PTP4A1: variants seen among roughly 807,000 people sequenced by gnomAD.
PTP4A1 encodes the protein protein tyrosine phosphatase 4A1.
Under a neutral mutation model 20.5 loss-of-function variants are expected in PTP4A1, and 9 were observed. That is an observed-to-expected ratio of 0.44 (90% CI 0.26 to 0.77). PTP4A1 has a LOEUF of 0.77. Among genes scored for constraint, PTP4A1 ranks in the 30% least tolerant of loss-of-function variants. The pLI, the probability that PTP4A1 is intolerant of heterozygous loss-of-function variation, is 0.19. For missense variants in PTP4A1, 137 were observed against 218.8 expected, an observed-to-expected ratio of 0.63 and a Z score of 2.36; for synonymous variants, 78 against 67.4, an observed-to-expected ratio of 1.16 and a Z score of -0.77.
chr6:63,576,711 T>G lies in PTP4A1; in HGVS notation c.-170T>G, dbSNP rs753886704. ...ATTACTGGATTGAAGAATTGCTGCT[T>G]CTTGTTAGGAGGTTCATTTCACTTA... On this transcript the variant is annotated 5_prime_UTR_variant, in exon 2 of 6. Transcript: ENST00000626021. 80 of 619,494 alleles carry G rather than the reference T, an allele frequency of 1.3e-4. No homozygotes were observed. Among genetic ancestry groups the G allele is most frequent in the South Asian group, 3.1e-4 (15 of 48,168 alleles). 38.4% of individuals were successfully genotyped at this position (619,494 alleles called of 1,614,324 possible).
intron 3 of PTP4A1, among the ~76,000 whole-genome samples, chr6:63,558,089 C>A (rs893193216): frequency 5.9e-5 from 9 of 152,002 alleles, no homozygotes; most frequent in Non-Finnish European, 1.0e-4. Flanking sequence ...CCAGGCTGGT[C>A]TCGAACTCCT....
chr6:63,560,634 C>T (rs1253673504), intron 3 of PTP4A1, among the ~76,000 whole-genome samples: 2 of 152,002 alleles, frequency 1.3e-5, no homozygotes, highest in African/African-American at 2.4e-5. Context: ...GAACTCCTGA[C>T]CTCAGGTGAT....
Position 63,575,928 on chromosome 6 carries a change from TAAGTA to T in PTP4A1, c.-445-505_-445-501del, listed in dbSNP as rs769819023. Among the ~76,000 whole-genome samples, 4 of 152,202 alleles carry T rather than the reference TAAGTA, an allele frequency of 2.6e-5. No homozygotes were observed. In the South Asian group the frequency reaches 8.3e-4, roughly 31 times the overall value. ...AACTTAGATGTTTCAGTTTATGAGT[TAAGTA>T]AATTATGCAAGACTAATAACTTCAG... On this transcript the variant is annotated intron_variant, in intron 1 of 5. Transcript: ENST00000626021.
At chr6:63,532,772 G>C (rs1345506174) in intron 2 of PTP4A1, among the ~76,000 whole-genome samples, 1 of 152,042 alleles carries the variant, frequency 6.6e-6, no homozygotes, top group African/African-American at 2.4e-5. Context: ...TGTTCAATCA[G>C]TATCTAGGCC....
intron 2 of PTP4A1, among the ~76,000 whole-genome samples, chr6:63,529,515 A>G (rs979742387): frequency 1.3e-5 from 2 of 151,866 alleles, no homozygotes; most frequent in Admixed American, 1.3e-4. Flanking sequence ...TTTTCTAACA[A>G]CCTAGCCTTC....
At chr6:63,533,695 C>G (rs1361167326) in intron 2 of PTP4A1, among the ~76,000 whole-genome samples, 1 of 151,974 alleles carries the variant, frequency 6.6e-6, no homozygotes, top group East Asian at 1.9e-4. Flanking sequence ...GATTAGAATT[C>G]TAAATGACTT....
chr6:63,554,294 A>T (rs577227327), intron 3 of PTP4A1, among the ~76,000 whole-genome samples: 1 of 152,336 alleles, frequency 6.6e-6, no homozygotes, highest in Admixed American at 6.5e-5. Flanking sequence ...GTATATGAAA[A>T]GCATTCTATT....
rs1476178341 is a variant in PTP4A1, at chr6:63,576,954, C to G, written c.74C>G (p.Pro25Arg). Residue 25 changes from proline to arginine, a missense_variant, in exon 2 of 6, where the codon CCA becomes CGA. Physicochemically the swap from Pro to Arg is moderately radical, Grantham distance 103. Coordinates refer to ENST00000626021, the MANE Select transcript of PTP4A1 (RefSeq NM_003463.5). The part of the protein sequence containing the change: ...KNMRFLITHN[P>R]TNATLNKFIE... ...ATGAGATTTCTTATTACACACAATC[C>G]AACCAATGCGACCTTAAACAAATTT... 6.2e-7 allele frequency: 1 copy of G among 1,613,762 alleles called. No homozygotes were observed. Among genetic ancestry groups the G allele is most frequent in the Non-Finnish European group, 8.5e-7 (1 of 1,179,896 alleles).
chr6:63,526,522 T>C (rs1037380466), intron 1 of PTP4A1, among the ~76,000 whole-genome samples: 12 of 151,650 alleles, frequency 7.9e-5, no homozygotes, highest in Admixed American at 6.6e-4. Flanking sequence ...TTTAAAAAGA[T>C]TTTTAGGCCA....
chr6:63,570,326 A>G (rs1249714646), upstream of PTP4A1, among the ~76,000 whole-genome samples: 1 of 152,206 alleles, frequency 6.6e-6, no homozygotes, highest in African/African-American at 2.4e-5. Context: ...GCAAGACTCC[A>G]TCTCAAATAA....
chr6:63,551,212 C>A (rs1744154), intron 3 of PTP4A1, among the ~76,000 whole-genome samples: 1 of 151,916 alleles, frequency 6.6e-6, no homozygotes. Flanking sequence ...ACTACAGGGG[C>A]GCGCCACCAC....
Position 63,526,462 on chromosome 6 carries a change from A to G in PTP4A1, c.-905-1357A>G, listed in dbSNP as rs565678211. ...AGAATCAGAGCCAATCCAGTTCAACAGAGAGGAAGACCACGTATGATAAAT... is the reference window on the plus strand; with the variant it reads ...AGAATCAGAGCCAATCCAGTTCAACGGAGAGGAAGACCACGTATGATAAAT... On this transcript the variant is annotated intron_variant, in intron 1 of 3. Coordinates refer to the PTP4A1 transcript ENST00000639568. Among the ~76,000 whole-genome samples, 7 of 152,060 alleles carry G rather than the reference A, an allele frequency of 4.6e-5. No individual in the cohort carries two copies. The East Asian group carries it at 1.4e-3, about 30-fold the overall frequency.
chr6:63,547,947 C>T (rs570432101), intron 2 of PTP4A1, among the ~76,000 whole-genome samples: 1 of 152,268 alleles, frequency 6.6e-6, no homozygotes, highest in African/African-American at 2.4e-5. Flanking sequence ...TAAAGTTCCC[C>T]ATTATCTCAC....
At chr6:63,567,145 G>T (rs1231294262) in intron 3 of PTP4A1, among the ~76,000 whole-genome samples, 1 of 152,192 alleles carries the variant, frequency 6.6e-6, no homozygotes, top group Non-Finnish European at 1.5e-5. Context: ...GAGAGTTGGA[G>T]TTAACTTCTT....
At chr6:63,528,057 T>G (rs1330063646) in exon 2 of PTP4A1, 1 of 152,218 alleles carries the variant, frequency 6.6e-6, no homozygotes, top group Non-Finnish European at 1.5e-5. Flanking sequence ...AGCATGGCTA[T>G]GGGAGAAGGA....
At chr6:63,542,577 G>A (rs933612686) in intron 2 of PTP4A1, among the ~76,000 whole-genome samples, 4 of 151,966 alleles carry the variant, frequency 2.6e-5, no homozygotes, top group Non-Finnish European at 5.9e-5. Flanking sequence ...CTTCAGTTCA[G>A]TTTTTGCCCC....
At chr6:63,547,376 G>A (rs778036330) in intron 2 of PTP4A1, among the ~76,000 whole-genome samples, 5 of 150,684 alleles carry the variant, frequency 3.3e-5, no homozygotes, top group Non-Finnish European at 7.4e-5. Flanking sequence ...TTTTAGTAGA[G>A]ATAGGATTTC....
At chr6:63,539,994 A>G (rs965828348) in intron 2 of PTP4A1, among the ~76,000 whole-genome samples, 5 of 152,208 alleles carry the variant, frequency 3.3e-5, no homozygotes, top group African/African-American at 1.2e-4. Flanking sequence ...AGGAATGTTC[A>G]TGACTGTTGG....
intron 1 of PTP4A1, among the ~76,000 whole-genome samples, chr6:63,524,516 A>G (rs1205715452): frequency 1.1e-4 from 16 of 152,216 alleles, no homozygotes; most frequent in Admixed American, 1.0e-3. Flanking sequence ...AAAAATATGT[A>G]TAATTTTAAT....
Sources: allele counts gnomAD v4.1 joint callset (sites outside exome capture counted in the v4.1 genomes callset), GRCh38; gene constraint gnomAD v4.1.1; transcripts MANE v1.5; gene names NCBI Gene and HGNC (gene_info 2026-07-23, HGNC 2026-07-21).